Variants in CHRNA7 observed in about 807,000 individuals in gnomAD.
CHRNA7 encodes cholinergic receptor nicotinic alpha 7 subunit, also known as neuronal acetylcholine receptor subunit alpha-7.
Under a neutral mutation model 48.0 loss-of-function variants are expected in CHRNA7, and 17 were observed. The ratio of observed to expected loss-of-function variants is 0.35; its 90% CI spans 0.24 to 0.53. CHRNA7 has a LOEUF of 0.53. Ranked by LOEUF, CHRNA7 falls within the 20% of genes least tolerant of loss-of-function variation. The pLI is 0.92. For synonymous variants in CHRNA7, 75 were observed against 242.3 expected, an observed-to-expected ratio of 0.31 and a Z score of 6.41; for missense variants, 155 against 577.7, an observed-to-expected ratio of 0.27 and a Z score of 7.50.
intron 4 of CHRNA7, among the ~76,000 whole-genome samples, chr15:32,150,086 C>T (rs1595504977): frequency 6.6e-6 from 1 of 152,106 alleles, no homozygotes; most frequent in Non-Finnish European, 1.5e-5. Flanking sequence ...GGGTCTCGCT[C>T]TGTCTCCTAG....
rs2051089944 is a variant in CHRNA7 at position 32,127,586 on chromosome 15, C to T, written c.350+15687C>T. ...CATCTTACTATGTGGTGGTTCGTCA[C>T]CTGTATATCCTCTTCATTGAAATAT... On this transcript the variant is annotated intron_variant, in intron 4 of 9. Coordinates refer to ENST00000306901, the MANE Select transcript of CHRNA7 (RefSeq NM_000746.6). 2.0e-5 allele frequency among the ~76,000 whole-genome samples: 3 copies of T among 152,028 alleles called. No homozygotes were observed. The South Asian group carries it at 6.2e-4, about 32-fold the overall frequency.
At chr15:32,136,497 CAA>C (rs34839510) in intron 4 of CHRNA7, among the ~76,000 whole-genome samples, 136 of 110,290 alleles carry the variant, frequency 1.2e-3, no homozygotes, top group African/African-American at 1.4e-3. Flanking sequence ...GACTCCATCT[CAA>C]AAAAAAAAAA....
intron 4 of CHRNA7, among the ~76,000 whole-genome samples, chr15:32,139,868 GT>G (rs1248248590): frequency 6.6e-6 from 1 of 151,976 alleles, no homozygotes; most frequent in Non-Finnish European, 1.5e-5. Context: ...AAAAAGGTAG[GT>G]TTACAGGCAA....
intron 3 of CHRNA7, 122 bp from the exon 4 acceptor site, chr15:32,111,668 A>G: frequency 1.6e-6 from 1 of 606,334 alleles, no homozygotes; most frequent in Admixed American, 2.9e-5. Context: ...TTTTATAAAT[A>G]GCAATTCAGT....
In CHRNA7 at chr15:32,111,775, C is replaced by T; in HGVS notation, c.241-15C>T. 2 of 1,506,276 alleles carry T rather than the reference C, an allele frequency of 1.3e-6. No homozygotes were observed. The highest frequency in any genetic ancestry group is 1.8e-6 in the Non-Finnish European group (2 of 1,083,532). The allele number at this position is 1,506,276 out of a possible 1,614,324, so 93.3% of individuals were successfully genotyped here. A position where few individuals can be genotyped will look rare whatever the true frequency, so the allele number is the denominator to read the frequency against. ...CAAGGAAGTGAAGTGCTGCTAATGTCATTGTGTGTGTCAGTCTTGGACAGA... is the reference window on the plus strand; with the variant it reads ...CAAGGAAGTGAAGTGCTGCTAATGTTATTGTGTGTGTCAGTCTTGGACAGA... On this transcript the variant is annotated splice_polypyrimidine_tract_variant and intron_variant, in intron 3 of 9. Transcript: ENST00000306901.
At chr15:32,070,182 A>G (rs1475731307) in intron 2 of CHRNA7, among the ~76,000 whole-genome samples, 1 of 152,198 alleles carries the variant, frequency 6.6e-6, no homozygotes, top group Non-Finnish European at 1.5e-5. Context: ...AATATAAAGA[A>G]CATTTCCATC....
chr15:32,038,056 GTA>G (rs71424637), intron 2 of CHRNA7, among the ~76,000 whole-genome samples: 11 of 144,210 alleles, frequency 7.6e-5, no homozygotes, highest in African/African-American at 2.8e-4. Flanking sequence ...TTTTGGATAT[GTA>G]TATATATATA....
intron 3 of CHRNA7, among the ~76,000 whole-genome samples, chr15:32,106,434 C>G (rs2050670659): frequency 6.6e-6 from 1 of 152,148 alleles, no homozygotes; most frequent in South Asian, 2.1e-4. Flanking sequence ...TTTTGTTATT[C>G]TTTCTCCCAG....
Position 32,031,006 on chromosome 15 carries a change from T to G in CHRNA7, c.164T>G (p.Phe55Cys). Residue 55 changes from phenylalanine to cysteine, a missense_variant, in exon 2 of 10, where the codon TTC (phenylalanine) becomes TGC (cysteine). By Grantham distance (205) the Phe-to-Cys change is radical (BLOSUM62 -2). Coordinates refer to ENST00000306901, the MANE Select transcript of CHRNA7 (RefSeq NM_000746.6). ...GACTCGCAACCACTCACCGTCTACT[T>G]CTCCCTGAGCCTCCTGCAGATCATG... ...ANDSQPLTVY[F>C]SLSLLQIMDV... is the part of the protein sequence containing the mutation. 2 of 1,614,142 alleles carry G rather than the reference T, an allele frequency of 1.2e-6. No individual in the cohort carries two copies. The highest frequency in any genetic ancestry group is 1.7e-6 in the Non-Finnish European group (2 of 1,180,014).
chr15:32,099,725 C>CA (rs1216980077), intron 2 of CHRNA7: 1 of 152,144 alleles, frequency 6.6e-6, no homozygotes, highest in African/African-American at 2.4e-5. Flanking sequence ...CAGTGCTTCC[C>CA]AATAATATTG....
intron 3 of CHRNA7, among the ~76,000 whole-genome samples, chr15:32,105,590 T>C (rs2050656376): frequency 6.6e-6 from 1 of 152,130 alleles, no homozygotes; most frequent in Non-Finnish European, 1.5e-5. Context: ...AGATGACAGC[T>C]GGTGGTCAGA....
chr15:32,082,337 A>G (rs1455110115), intron 2 of CHRNA7, among the ~76,000 whole-genome samples: 1 of 28,890 alleles, frequency 3.5e-5, no homozygotes. Context: ...TATGATTATT[A>G]GATTTTTTTT....
chr15:32,103,513 T>A (rs1378222893), intron 3 of CHRNA7, among the ~76,000 whole-genome samples: 1 of 146,302 alleles, frequency 6.8e-6, no homozygotes, highest in African/African-American at 2.5e-5. Context: ...CTGCAGAACC[T>A]AACATTAGTC....
At chr15:32,041,075 C>T (rs1290472186) in intron 2 of CHRNA7, among the ~76,000 whole-genome samples, 1 of 152,010 alleles carries the variant, frequency 6.6e-6, no homozygotes, top group Non-Finnish European at 1.5e-5. Context: ...CTTTGGCTTC[C>T]TTCAGGATTT....
At chr15:32,041,750 A>G (rs2049453570) in intron 2 of CHRNA7, among the ~76,000 whole-genome samples, 1 of 152,334 alleles carries the variant, frequency 6.6e-6, no homozygotes, top group East Asian at 1.9e-4. Flanking sequence ...TATTCCTCAT[A>G]CTAGGGATTC....
chr15:32,043,423 A>G (rs986699881), intron 2 of CHRNA7, among the ~76,000 whole-genome samples: 9 of 151,906 alleles, frequency 5.9e-5, no homozygotes, highest in Admixed American at 2.0e-4. Context: ...TGTCTCTTCT[A>G]TGTTCTTTTT....
At position 32,041,885 on chromosome 15, in the gene CHRNA7, A is replaced by G. The variant is rs146663119; in HGVS notation, c.195+10848A>G. Among the ~76,000 whole-genome samples the G allele has an allele frequency of 2.3e-3, 343 of 152,234 alleles. 2 individuals are homozygous for G. The highest frequency in any genetic ancestry group is 7.8e-3 in the African/African-American group (324 of 41,538). On this transcript the variant is annotated intron_variant, in intron 2 of 9. Transcript: ENST00000306901. ...TTAGGAGTTCCATCTCTGTGCTTAC[A>G]TTGTTTAACTGTTCTTGCATGATGT...
At chr15:32,136,828 G>A (rs1231762089) in intron 4 of CHRNA7, among the ~76,000 whole-genome samples, 1 of 151,010 alleles carries the variant, frequency 6.6e-6, no homozygotes, top group South Asian at 2.1e-4. Context: ...TCAGGAGATC[G>A]AGACCATCCC....
At chr15:32,031,408 C>A (rs551137155) in intron 2 of CHRNA7, among the ~76,000 whole-genome samples, 1 of 152,320 alleles carries the variant, frequency 6.6e-6, no homozygotes, top group Admixed American at 6.5e-5. Context: ...GACTTGCATT[C>A]CAGCATTGTC....
Sources: allele counts gnomAD v4.1 joint callset (sites outside exome capture counted in the v4.1 genomes callset), GRCh38; gene constraint gnomAD v4.1.1; transcripts MANE v1.5; gene names NCBI Gene and HGNC (gene_info 2026-07-23, HGNC 2026-07-21).